The following ZNF677 variants were observed in gnomAD, a reference collection of about 807,000 sequenced individuals.
ZNF677 encodes the protein zinc finger protein 677, also known as hypothetical protein MGC48625.
ZNF677 carries 5 observed loss-of-function variants against 8.1 expected under a neutral mutation model. That is an observed-to-expected ratio of 0.62 (90% CI 0.32 to 1.29). ZNF677 has a LOEUF of 1.29. Ranked by LOEUF, ZNF677 falls within the 50% of genes most tolerant of loss-of-function variation. The probability of loss-of-function intolerance (pLI) is 0.05; values close to 1 mark genes in which losing one functional copy is unlikely to be tolerated. For synonymous variants in ZNF677, 221 were observed against 225.6 expected (o/e 0.98, Z 0.18); for missense variants, 685 against 685.9 (o/e 1.00, Z 0.01).
intron 3 of ZNF677, among the ~76,000 whole-genome samples, chr19:53,247,004 C>T (rs991204674): frequency 6.6e-6 from 1 of 152,088 alleles, no homozygotes; most frequent in Non-Finnish European, 1.5e-5. Flanking sequence ...GTATACATTA[C>T]ATATGTATAG....
intron 4 of ZNF677, chr19:53,240,115 TGCTGTCCTGAGTAA>T (rs1365512704): frequency 1.8e-4 from 27 of 152,278 alleles, no homozygotes; most frequent in Non-Finnish European, 1.3e-4. Flanking sequence ...CAGATCATGT[TGCTGTCCTGAGTAA>T]GCTGTCCTGT....
At chr19:53,244,018 A>G (rs552196005) in intron 3 of ZNF677, 121 bp from the exon 4 acceptor site, 1 of 860,108 alleles carries the variant, frequency 1.2e-6, no homozygotes, top group African/African-American at 1.8e-5. Flanking sequence ...CAACTTATAT[A>G]TCCCTAATTT....
intron 4 of ZNF677, 51 bp from the exon 5 acceptor site, chr19:53,238,608 G>A: frequency 1.4e-6 from 2 of 1,447,124 alleles, no homozygotes; most frequent in Non-Finnish European, 1.8e-6. Context: ...GAGTTGCAAG[G>A]TAAATATTTT....
Position 53,243,887 on chromosome 19 carries a change from G to A in ZNF677, c.26C>T (p.Thr9Ile). The part of the protein sequence containing the change: MALSQGLF[T>I]FKDVAIEFSQ... Reference sequence around the variant, plus strand: ...GAATTCTATGGCCACATCCTTGAATGTAAACAGTCCCTGAAATAAAAACAC... The same window carrying A: ...GAATTCTATGGCCACATCCTTGAATATAAACAGTCCCTGAAATAAAAACAC... Residue 9 changes from threonine (T) to isoleucine (I), a missense_variant, in exon 4 of 5, where the codon ACA becomes ATA. Physicochemically the swap from Thr to Ile is moderately conservative, Grantham distance 89 (BLOSUM62 -1). Coordinates refer to ENST00000598513, the MANE Select transcript of ZNF677 (RefSeq NM_182609.4). The A allele has an allele frequency of 6.3e-7, 1 of 1,593,284 alleles. No homozygotes were observed. Among genetic ancestry groups the A allele is most frequent in the South Asian group, 1.1e-5 (1 of 87,552 alleles).
intron 4 of ZNF677, chr19:53,241,334 T>C (rs181988034): frequency 6.6e-6 from 1 of 152,512 alleles, no homozygotes; most frequent in African/African-American, 2.4e-5. Flanking sequence ...ACCAATGACA[T>C]TGGCAAAATG....
At chr19:53,242,447 G>T (rs183507847) in intron 4 of ZNF677, 12 of 398,580 alleles carry the variant, frequency 3.0e-5, no homozygotes, top group Middle Eastern at 6.3e-4. Flanking sequence ...GAACCTAAAA[G>T]AATGAGATAT....
At position 53,246,710 on chromosome 19, in the gene ZNF677, G is replaced by C. The variant is rs542614368; in HGVS notation, c.16-2813C>G. On this transcript the variant is annotated intron_variant, in intron 3 of 4. Transcript: ENST00000598513. ...AACTCATAGAAACAGAGAATAGAATGGTGGTTGCTAGGTGCTGAGTGGGGA... is the reference window on the plus strand; with the variant it reads ...AACTCATAGAAACAGAGAATAGAATCGTGGTTGCTAGGTGCTGAGTGGGGA... Among the ~76,000 whole-genome samples the C allele has an allele frequency of 1.5e-4, 23 of 152,208 alleles. No individual in the cohort carries two copies. The South Asian group carries it at 4.6e-3, about 30-fold the overall frequency.
At chr19:53,249,846 C>T (rs577281803) in intron 3 of ZNF677, among the ~76,000 whole-genome samples, 1 of 152,142 alleles carries the variant, frequency 6.6e-6, no homozygotes, top group Non-Finnish European at 1.5e-5. Flanking sequence ...TATATTATAG[C>T]CATCTTTTGG....
At chr19:53,244,586 G>T (rs527772458) in intron 3 of ZNF677, among the ~76,000 whole-genome samples, 1 of 152,258 alleles carries the variant, frequency 6.6e-6, no homozygotes, top group African/African-American at 2.4e-5. Flanking sequence ...AAATACTAAT[G>T]AAGGAAATTA....
At chr19:53,239,394 T>C (rs536170523) in intron 4 of ZNF677, 1 of 152,258 alleles carries the variant, frequency 6.6e-6, no homozygotes, top group East Asian at 1.9e-4. Context: ...AATATCAGCT[T>C]CAGGTAAATG....
rs151173002 is a variant in ZNF677 at position 53,236,975 on chromosome 19, G to C, written c.1752C>G (p.Thr584=). Residue 584 remains threonine (T), a synonymous_variant, in exon 5 of 5, where the codon ACC becomes ACG. Transcript: ENST00000598513. ...TTTCACAATGGAGCCCCTGATGCTAGGTACAGCTTGAATACTTAATTTTTG... is the reference window on the plus strand; with the variant it reads ...TTTCACAATGGAGCCCCTGATGCTACGTACAGCTTGAATACTTAATTTTTG... ...NETKIKYSSC[T] The C allele has an allele frequency of 1.2e-3, 1,906 of 1,540,784 alleles. 47 individuals are homozygous for C. The Admixed American group carries it at 0.039, about 31-fold the overall frequency.
intron 3 of ZNF677, among the ~76,000 whole-genome samples, chr19:53,246,799 A>G (rs2091150545): frequency 1.3e-5 from 2 of 152,214 alleles, no homozygotes; most frequent in Non-Finnish European, 2.9e-5. Context: ...TCTCCTGAAT[A>G]ACACAGTGCT....
At position 53,238,568 on chromosome 19, in the gene ZNF677, T is replaced by C. The variant is rs1225786065; in HGVS notation, c.170-11A>G. 2.0e-6 allele frequency: 3 copies of C among 1,527,880 alleles called. No individual in the cohort carries two copies. The highest frequency in any genetic ancestry group is 1.4e-5 in the African/African-American group (1 of 71,894). The allele number at this position is 1,527,880 out of a possible 1,614,324, so 94.6% of individuals were successfully genotyped here. On this transcript the variant is annotated splice_polypyrimidine_tract_variant and intron_variant, in intron 4 of 4. Coordinates refer to ENST00000598513, the MANE Select transcript of ZNF677 (RefSeq NM_182609.4). ...ATCCAACAGAAATATCTGAAAGATA[T>C]TAAAAAAACCACAGGCTTTCCATCA...
At chr19:53,239,581 A>G (rs531814653) in intron 4 of ZNF677, 1 of 152,192 alleles carries the variant, frequency 6.6e-6, no homozygotes. Flanking sequence ...TTTATTATGT[A>G]GAGTCAGAGA....
intron 4 of ZNF677, chr19:53,242,655 T>C (rs1423416935): frequency 2.7e-6 from 1 of 374,386 alleles, no homozygotes; most frequent in Non-Finnish European, 4.7e-6. Context: ...CAGATACATT[T>C]TGGGGGAGCC....
intron 3 of ZNF677, among the ~76,000 whole-genome samples, chr19:53,250,490 T>C (rs182415706): frequency 2.8e-3 from 419 of 152,282 alleles, no homozygotes; most frequent in African/African-American, 9.6e-3. Context: ...CGGAATACTA[T>C]GTAGCCATAA....
At chr19:53,246,304 C>T (rs961486630) in intron 3 of ZNF677, among the ~76,000 whole-genome samples, 16 of 90,636 alleles carry the variant, frequency 1.8e-4, no homozygotes, top group African/African-American at 3.7e-4. Flanking sequence ...GGTGACAGAG[C>T]GAGACTCCGT....
chr19:53,243,632 A>G (rs1182906337), intron 4 of ZNF677, 112 bp downstream of exon 4: 3 of 1,431,890 alleles, frequency 2.1e-6, no homozygotes, highest in Non-Finnish European at 2.9e-6. Context: ...TCCACTCTCA[A>G]TCAAAAAGTT....
intron 4 of ZNF677, chr19:53,239,463 G>C (rs1452276803): frequency 6.6e-6 from 1 of 152,152 alleles, no homozygotes; most frequent in Admixed American, 6.5e-5. Flanking sequence ...CATGCCTGCA[G>C]TTATATGACA....
Sources: gnomAD v4.1 joint callset for allele counts (sites outside exome capture counted in the v4.1 genomes callset) on GRCh38, gnomAD v4.1.1 for gene constraint, MANE v1.5 for transcripts, NCBI Gene and HGNC (gene_info 2026-07-23, HGNC 2026-07-21) for gene names.